Variants in DLGAP1 observed in about 807,000 individuals in gnomAD.
DLGAP1 encodes DLG associated protein 1.
In DLGAP1, 11 loss-of-function variants were observed where a neutral mutation model predicts 90.8. That is an observed-to-expected ratio of 0.12 (90% CI 0.08 to 0.20). DLGAP1 has a LOEUF of 0.20. Ranked by LOEUF, DLGAP1 falls within the 10% of genes least tolerant of loss-of-function variation. DLGAP1 has a pLI of 1.00. For synonymous variants in DLGAP1, 558 were observed against 540.7 expected (o/e 1.03, Z -0.44); for missense variants, 1,050 against 1,333.8 (o/e 0.79, Z 3.31).
At position 3,767,650 on chromosome 18, in the gene DLGAP1, T is replaced by C. The variant is rs148452994; in HGVS notation, c.1173-25138A>G. 2.9e-3 allele frequency among the ~76,000 whole-genome samples: 438 copies of C among 152,170 alleles called. 1 individual carries two copies. The highest frequency in any genetic ancestry group is 0.02 in the Middle Eastern group (6 of 294). Reference sequence around the variant, plus strand: ...ATTAATGTAATCTATTGATACCATATTAAGAGGCTAAGGAAAAAAATCATA... The same window carrying C: ...ATTAATGTAATCTATTGATACCATACTAAGAGGCTAAGGAAAAAAATCATA... On this transcript the variant is annotated intron_variant, in intron 5 of 12. Transcript: ENST00000315677.
chr18:3,957,601 T>C (rs189259882), intron 3 of DLGAP1, among the ~76,000 whole-genome samples: 213 of 152,328 alleles, frequency 1.4e-3, no homozygotes, highest in Middle Eastern at 3.4e-3. Flanking sequence ...AATCCCTTTC[T>C]ATTTACTATA....
chr18:4,138,294 C>CT (rs1485845359), intron 2 of DLGAP1, among the ~76,000 whole-genome samples: 1 of 150,448 alleles, frequency 6.6e-6, no homozygotes, highest in Admixed American at 6.6e-5. Context: ...TCTACACCCA[C>CT]TTTTTTGAAG....
At chr18:3,512,680 A>G (rs1414971326) in intron 10 of DLGAP1, among the ~76,000 whole-genome samples, 1 of 152,220 alleles carries the variant, frequency 6.6e-6, no homozygotes, top group Non-Finnish European at 1.5e-5. Flanking sequence ...CAGAGCAGAT[A>G]ACTTCATTTG....
intron 3 of DLGAP1, among the ~76,000 whole-genome samples, chr18:3,921,767 C>G (rs910569856): frequency 6.6e-6 from 1 of 152,086 alleles, no homozygotes; most frequent in Non-Finnish European, 1.5e-5. Flanking sequence ...CTGAGCTCTG[C>G]TATGGAGGTA....
In DLGAP1 at chr18:4,236,588, A is replaced by G. The variant is rs542589290; in HGVS notation, c.-266-85301T>C. On this transcript the variant is annotated intron_variant, in intron 1 of 12. Transcript: ENST00000315677. Reference sequence around the variant, plus strand: ...ATTTACAAGCTGCACTTTATAGCTTAGACTCTTTAAGTTTTATAAATATTT... The same window carrying G: ...ATTTACAAGCTGCACTTTATAGCTTGGACTCTTTAAGTTTTATAAATATTT... Among the ~76,000 whole-genome samples, 3 of 152,324 alleles carry G rather than the reference A, an allele frequency of 2.0e-5. No homozygotes were observed. In the East Asian group the frequency reaches 5.8e-4, roughly 29 times the overall value.
At chr18:3,581,770 C>G (rs1283739846) in intron 8 of DLGAP1, 105 bp downstream of exon 8, 10 of 1,470,400 alleles carry the variant, frequency 6.8e-6, no homozygotes, top group Non-Finnish European at 9.2e-6. Context: ...ATGCATAGAT[C>G]TATGATTCCA....
chr18:4,218,000 T>C (rs1239192882), intron 1 of DLGAP1, among the ~76,000 whole-genome samples: 1 of 150,170 alleles, frequency 6.7e-6, no homozygotes, highest in Admixed American at 6.6e-5. Flanking sequence ...TAAAGTCATG[T>C]ACGTTTTTCC....
chr18:4,351,880 C>A (rs1190840036), intron 1 of DLGAP1, among the ~76,000 whole-genome samples: 3 of 152,182 alleles, frequency 2.0e-5, no homozygotes, highest in Non-Finnish European at 4.4e-5. Context: ...AGGTATATTT[C>A]AAACACTCAA....
At chr18:4,409,705 T>A (rs2082736439) in intron 1 of DLGAP1, among the ~76,000 whole-genome samples, 1 of 152,190 alleles carries the variant, frequency 6.6e-6, no homozygotes, top group South Asian at 2.1e-4. Context: ...GTTGGCGATT[T>A]GTATATCTTC....
chr18:4,328,019 C>A (rs370066497), intron 1 of DLGAP1, among the ~76,000 whole-genome samples: 1 of 149,900 alleles, frequency 6.7e-6, no homozygotes, highest in South Asian at 2.1e-4. Context: ...TACCCCAGAG[C>A]AACTACCATC....
intron 1 of DLGAP1, among the ~76,000 whole-genome samples, chr18:4,332,357 T>G (rs1316038113): frequency 6.6e-6 from 1 of 151,974 alleles, no homozygotes; most frequent in Non-Finnish European, 1.5e-5. Flanking sequence ...GGATTTATTA[T>G]TTCAGTAAAG....
chr18:4,023,592 T>C (rs1003109465), intron 2 of DLGAP1, among the ~76,000 whole-genome samples: 1 of 152,238 alleles, frequency 6.6e-6, no homozygotes, highest in African/African-American at 2.4e-5. Flanking sequence ...CAGGCACAAG[T>C]GAATCAATAA....
chr18:3,712,344 C>T (rs1307192246), intron 7 of DLGAP1, among the ~76,000 whole-genome samples: 1 of 152,162 alleles, frequency 6.6e-6, no homozygotes, highest in Non-Finnish European at 1.5e-5. Flanking sequence ...CAGCAGCTCA[C>T]CCGTCTCTGT....
rs540143316 is a variant in DLGAP1 at position 3,660,947 on chromosome 18, T to C, written c.1591+68188A>G. Among the ~76,000 whole-genome samples the C allele has an allele frequency of 2.9e-3, 442 of 152,340 alleles. 2 individuals are homozygous for C. The highest frequency in any genetic ancestry group is 0.01 in the African/African-American group (422 of 41,576). ...CAGGAAACTGTATGATAAGGCACAA[T>C]AGAGAAAGAGGAACTAAAAAAGAAC... On this transcript the variant is annotated intron_variant, in intron 7 of 12. Coordinates refer to ENST00000315677, the MANE Select transcript of DLGAP1 (RefSeq NM_004746.4). This position sits in a 1 kb window ranked among gnomAD's most constrained non-coding sequence, Gnocchi z 4.2.
At chr18:3,782,913 G>T (rs1029208972) in intron 5 of DLGAP1, among the ~76,000 whole-genome samples, 2 of 152,112 alleles carry the variant, frequency 1.3e-5, no homozygotes, top group Non-Finnish European at 2.9e-5. Flanking sequence ...CTCTGATAAA[G>T]AACTTATATC....
chr18:3,533,150 C>G (rs914867503), intron 10 of DLGAP1, among the ~76,000 whole-genome samples: 1 of 152,104 alleles, frequency 6.6e-6, no homozygotes, highest in Non-Finnish European at 1.5e-5. Flanking sequence ...AAATCAGCTG[C>G]ACATGGGGTG....
At chr18:3,949,030 T>C (rs960300718) in intron 3 of DLGAP1, among the ~76,000 whole-genome samples, 4 of 151,654 alleles carry the variant, frequency 2.6e-5, no homozygotes, top group Non-Finnish European at 4.4e-5. Flanking sequence ...GGAATATGTT[T>C]CCCATAAAAA....
intron 5 of DLGAP1, among the ~76,000 whole-genome samples, chr18:3,784,264 G>A (rs938285573): frequency 1.3e-5 from 2 of 152,088 alleles, no homozygotes; most frequent in South Asian, 2.1e-4. Context: ...CTGTTTAGGC[G>A]CACAAGGCAC....
intron 1 of DLGAP1, among the ~76,000 whole-genome samples, chr18:4,299,920 C>T (rs2080082856): frequency 6.6e-6 from 1 of 152,144 alleles, no homozygotes; most frequent in African/African-American, 2.4e-5. Flanking sequence ...ATCATTAAAA[C>T]TAATAAGAAA....
Sources: gnomAD v4.1 joint callset for allele counts (sites outside exome capture counted in the v4.1 genomes callset) on GRCh38, gnomAD v4.1.1 for gene constraint, Gnocchi (gnomAD v3.1) non-coding constraint, MANE v1.5 for transcripts, NCBI Gene and HGNC (gene_info 2026-07-23, HGNC 2026-07-21) for gene names.